Variants in GRM7 observed in about 807,000 individuals in gnomAD.
GRM7 encodes glutamate metabotropic receptor 7.
A neutral mutation model predicts 84.5 loss-of-function variants in GRM7; 35 were observed. The ratio of observed to expected loss-of-function variants is 0.41; its 90% CI spans 0.32 to 0.55. The LOEUF (loss-of-function observed/expected upper bound fraction) is 0.55, where lower values mean the gene tolerates loss of function less well. Ranked by LOEUF, GRM7 falls within the 20% of genes least tolerant of loss-of-function variation. The pLI is 0.19. For missense variants in GRM7, 1,003 were observed against 1,194.6 expected (o/e 0.84, Z 2.36); for synonymous variants, 487 against 455.1 (o/e 1.07, Z -0.89).
chr3:7,312,428 C>T (rs1052960284), intron 4 of GRM7, among the ~76,000 whole-genome samples: 1 of 151,958 alleles, frequency 6.6e-6, no homozygotes, highest in Non-Finnish European at 1.5e-5. Context: ...GGTGGACAAC[C>T]TTTGGGGACA....
At chr3:7,324,748 G>A (rs1177096568) in intron 4 of GRM7, among the ~76,000 whole-genome samples, 1 of 151,856 alleles carries the variant, frequency 6.6e-6, no homozygotes, top group Non-Finnish European at 1.5e-5. Context: ...AAGTTCCCGG[G>A]AACCATCTCA....
intron 4 of GRM7, among the ~76,000 whole-genome samples, chr3:7,410,796 A>T (rs1695902307): frequency 6.6e-6 from 1 of 152,168 alleles, no homozygotes. Flanking sequence ...AAGAGAAGCT[A>T]GTAAGGTATA....
chr3:7,417,726 A>G (rs545205346), intron 5 of GRM7, among the ~76,000 whole-genome samples: 3 of 152,180 alleles, frequency 2.0e-5, no homozygotes, highest in Non-Finnish European at 4.4e-5. Flanking sequence ...TCTTATTAAT[A>G]TAACATTCAC....
At chr3:7,521,399 C>A (rs1700587204) in intron 7 of GRM7, among the ~76,000 whole-genome samples, 1 of 152,178 alleles carries the variant, frequency 6.6e-6, no homozygotes, top group African/African-American at 2.4e-5. Context: ...ATGATTGGGT[C>A]TAAAGGCAAG....
At chr3:7,515,805 T>C (rs1145136) in intron 7 of GRM7, among the ~76,000 whole-genome samples, 2 of 151,636 alleles carry the variant, frequency 1.3e-5, no homozygotes, top group Non-Finnish European at 2.9e-5. Flanking sequence ...CCTCTTGCTG[T>C]GTAAACTAGG....
intron 8 of GRM7, among the ~76,000 whole-genome samples, chr3:7,665,645 C>T (rs776610834): frequency 7.3e-5 from 11 of 149,688 alleles, no homozygotes; most frequent in Non-Finnish European, 1.3e-4. Flanking sequence ...AAAAATTAAA[C>T]AGCTTTACAA....
intron 2 of GRM7, among the ~76,000 whole-genome samples, chr3:7,185,804 T>C (rs1695494336): frequency 6.6e-6 from 1 of 152,218 alleles, no homozygotes; most frequent in Non-Finnish European, 1.5e-5. Context: ...GGAGAACTAA[T>C]ACCTGATGCT....
At chr3:7,482,112 C>A (rs549299377) in intron 7 of GRM7, among the ~76,000 whole-genome samples, 98 of 152,228 alleles carry the variant, frequency 6.4e-4, no homozygotes, top group Non-Finnish European at 1.1e-3. Context: ...GGCGTGAACC[C>A]AGGAGGCGGA....
intron 1 of GRM7, among the ~76,000 whole-genome samples, chr3:7,102,133 C>T (rs2125023002): frequency 6.6e-6 from 1 of 151,786 alleles, no homozygotes; most frequent in African/African-American, 2.4e-5. Flanking sequence ...TTTACCATTT[C>T]CATTTCTGTT....
At chr3:7,279,394 G>A (rs1415304426) in intron 2 of GRM7, among the ~76,000 whole-genome samples, 1 of 152,046 alleles carries the variant, frequency 6.6e-6, no homozygotes, top group Non-Finnish European at 1.5e-5. Context: ...TGTACAGAGA[G>A]GAAAAGATCT....
chr3:7,113,107 C>T (rs1488410282), intron 1 of GRM7, among the ~76,000 whole-genome samples: 2 of 151,890 alleles, frequency 1.3e-5, no homozygotes, highest in African/African-American at 2.4e-5. Context: ...TTTAGTAATA[C>T]CATTACTGCT....
At chr3:7,326,087 G>A (rs999599848) in intron 4 of GRM7, among the ~76,000 whole-genome samples, 9 of 126,228 alleles carry the variant, frequency 7.1e-5, no homozygotes, top group African/African-American at 2.5e-4. Flanking sequence ...TTGATTCTTG[G>A]CAAAGTGAAA....
At chr3:7,095,734 A>T (rs539326997) in intron 1 of GRM7, among the ~76,000 whole-genome samples, 1 of 152,268 alleles carries the variant, frequency 6.6e-6, no homozygotes, top group South Asian at 2.1e-4. Context: ...GTTCTAAAAA[A>T]ATTATGACTT....
intron 7 of GRM7, among the ~76,000 whole-genome samples, chr3:7,516,489 A>C (rs1700392280): frequency 6.8e-6 from 1 of 146,362 alleles, no homozygotes. Context: ...AAAAAAAAAA[A>C]AAAAAAAAAA....
chr3:7,646,381 A>G (rs554829230), intron 8 of GRM7, among the ~76,000 whole-genome samples: 8 of 152,110 alleles, frequency 5.3e-5, no homozygotes, highest in Middle Eastern at 6.8e-3. Context: ...TTTAGTAGAG[A>G]GGGGGTTTCA....
intron 4 of GRM7, among the ~76,000 whole-genome samples, chr3:7,338,543 G>A (rs1193187296): frequency 6.6e-6 from 1 of 151,984 alleles, no homozygotes; most frequent in African/African-American, 2.4e-5. Context: ...AAAAAGACAT[G>A]TTCCTCTTAC....
At chr3:7,537,184 T>C (rs188574808) in intron 7 of GRM7, among the ~76,000 whole-genome samples, 3 of 152,284 alleles carry the variant, frequency 2.0e-5, no homozygotes, top group Admixed American at 2.0e-4. Flanking sequence ...ACCTCTAAGC[T>C]TGGGTTCTCT....
chr3:7,264,677 G>A (rs1000127142), intron 2 of GRM7, among the ~76,000 whole-genome samples: 1 of 152,144 alleles, frequency 6.6e-6, no homozygotes, highest in Non-Finnish European at 1.5e-5. Context: ...CTCCCTTGGT[G>A]CCAGATGTTC....
At chr3:7,557,639 CA>C (rs1693834783) in intron 7 of GRM7, among the ~76,000 whole-genome samples, 1 of 152,084 alleles carries the variant, frequency 6.6e-6, no homozygotes, top group Non-Finnish European at 1.5e-5. Flanking sequence ...GGCTTAAGAA[CA>C]TACAATTGAT....
Sources: allele counts gnomAD v4.1 joint callset (sites outside exome capture counted in the v4.1 genomes callset), GRCh38; gene constraint gnomAD v4.1.1; transcripts MANE v1.5; gene names NCBI Gene and HGNC (gene_info 2026-07-23, HGNC 2026-07-21).